Variants in CDH13 observed in about 807,000 individuals in gnomAD.
The protein encoded by CDH13 is cadherin 13.
CDH13 carries 24 observed loss-of-function variants against 63.8 expected under a neutral mutation model. That is an observed-to-expected ratio of 0.38 (90% CI 0.27 to 0.53). The LOEUF is 0.53. CDH13 is among the 20% of genes least tolerant of loss of function. The pLI is 0.85. For missense variants in CDH13, 1,049 were observed against 903.1 expected (o/e 1.16, Z -2.07); for synonymous variants, 503 against 355.3 (o/e 1.42, Z -4.67).
intron 4 of CDH13, among the ~76,000 whole-genome samples, chr16:83,146,565 A>G (rs1004024624): frequency 2.6e-5 from 4 of 152,200 alleles, no homozygotes; most frequent in Admixed American, 6.5e-5. Flanking sequence ...TGTTTGTTCT[A>G]TTTCAAGAAA....
intron 5 of CDH13, among the ~76,000 whole-genome samples, chr16:83,266,652 G>A (rs989711604): frequency 4.6e-5 from 7 of 152,128 alleles, no homozygotes; most frequent in African/African-American, 1.2e-4. Context: ...TAACTCTTAA[G>A]GCAAAGAAGT....
intron 5 of CDH13, among the ~76,000 whole-genome samples, chr16:83,237,959 A>G (rs1904277666): frequency 6.6e-6 from 1 of 152,228 alleles, no homozygotes; most frequent in Non-Finnish European, 1.5e-5. Context: ...CTCACGTCAC[A>G]TAGCCAGAAG....
intron 6 of CDH13, among the ~76,000 whole-genome samples, chr16:83,444,919 A>C (rs1249547486): frequency 4.0e-5 from 3 of 75,626 alleles, no homozygotes; most frequent in Non-Finnish European, 9.6e-5. Context: ...AATGGACCAA[A>C]ATGCCTCTGT....
intron 1 of CDH13, among the ~76,000 whole-genome samples, chr16:82,737,278 A>C (rs1017507866): frequency 6.6e-6 from 1 of 152,218 alleles, no homozygotes; most frequent in African/African-American, 2.4e-5. Context: ...CTGAGGGTCA[A>C]GATGGAGCCC....
chr16:83,110,252 G>C (rs78045524), intron 3 of CDH13, among the ~76,000 whole-genome samples: 4,222 of 152,292 alleles, frequency 0.028, 74 homozygotes, highest in South Asian at 0.042. Context: ...ATCAACTGCT[G>C]CTTCTTTAAA....
chr16:83,591,293 G>T (rs1398158797), intron 7 of CDH13, among the ~76,000 whole-genome samples: 1 of 152,168 alleles, frequency 6.6e-6, no homozygotes, highest in African/African-American at 2.4e-5. Flanking sequence ...CTATGTCAGG[G>T]CCCAGGTCTA....
At chr16:83,023,307 G>T (rs56412073) in intron 2 of CDH13, among the ~76,000 whole-genome samples, 1 of 151,602 alleles carries the variant, frequency 6.6e-6, no homozygotes, top group East Asian at 2.0e-4. Context: ...ACTACCCCCC[G>T]ACTCCACCCC....
intron 11 of CDH13, among the ~76,000 whole-genome samples, chr16:83,748,790 G>A (rs982602451): frequency 6.6e-6 from 1 of 152,210 alleles, no homozygotes; most frequent in African/African-American, 2.4e-5. Context: ...TTAGATGCTG[G>A]GGGCGCAGCA....
At chr16:83,475,418 C>T (rs964038045) in intron 6 of CDH13, among the ~76,000 whole-genome samples, 4 of 152,186 alleles carry the variant, frequency 2.6e-5, no homozygotes, top group Non-Finnish European at 5.9e-5. Flanking sequence ...GGGTCTGGAT[C>T]CCTAAGCTGC....
chr16:83,027,143 A>G lies in CDH13; in HGVS notation c.158-4867A>G, dbSNP rs530366496. On this transcript the variant is annotated intron_variant, in intron 2 of 13. Transcript: ENST00000567109. ...GCCCCGCCTCCAATCCTCTACCATT[A>G]CTAAATCATCATTTTGCTCTGGAGA... Among the ~76,000 whole-genome samples, 3 of 118,704 alleles carry G rather than the reference A, an allele frequency of 2.5e-5. No homozygotes were observed. In the East Asian group the frequency reaches 8.7e-4, roughly 34 times the overall value. The allele number at this position is 118,704 out of a possible 152,430, so 77.9% of individuals were successfully genotyped here. A position where few individuals can be genotyped will look rare whatever the true frequency, so the allele number is the denominator to read the frequency against.
rs529873089 is a variant in CDH13, at chr16:83,594,568, T to C, written c.961-7886T>C. On this transcript the variant is annotated intron_variant, in intron 7 of 13. Transcript: ENST00000567109. ...TGGAGCAAGAACTAGAGGTGAAACA[T>C]TCGATATGGAAAAAGTGGGGTACCA... Among the ~76,000 whole-genome samples, 3 of 152,236 alleles carry C rather than the reference T, an allele frequency of 2.0e-5. No homozygotes were observed. The South Asian group carries it at 6.2e-4, about 32-fold the overall frequency.
At chr16:82,628,026 T>C (rs1185704611) in intron 1 of CDH13, among the ~76,000 whole-genome samples, 1 of 152,214 alleles carries the variant, frequency 6.6e-6, no homozygotes, top group African/African-American at 2.4e-5. Context: ...GCGAGGGAGA[T>C]GCGGTCCGCC....
At chr16:83,505,850 T>C (rs1359080438) in intron 7 of CDH13, among the ~76,000 whole-genome samples, 2 of 152,202 alleles carry the variant, frequency 1.3e-5, no homozygotes, top group African/African-American at 4.8e-5. Context: ...GATTGTGAGC[T>C]GCAGATATGA....
chr16:83,214,875 T>C (rs1254620850), intron 4 of CDH13, among the ~76,000 whole-genome samples: 1 of 151,880 alleles, frequency 6.6e-6, no homozygotes, highest in Non-Finnish European at 1.5e-5. Context: ...GATTGCAACA[T>C]ATAGCTGTCT....
chr16:83,632,884 C>T (rs1166584726), intron 8 of CDH13, among the ~76,000 whole-genome samples: 5 of 151,274 alleles, frequency 3.3e-5, no homozygotes, highest in South Asian at 2.1e-4. Flanking sequence ...TTGGGTTTTC[C>T]GGGAAAGGGG....
intron 5 of CDH13, among the ~76,000 whole-genome samples, chr16:83,230,079 A>C (rs2039959874): frequency 6.6e-6 from 1 of 152,208 alleles, no homozygotes; most frequent in Non-Finnish European, 1.5e-5. Flanking sequence ...GGGTAGACCC[A>C]CAGCAGAGGT....
intron 1 of CDH13, among the ~76,000 whole-genome samples, chr16:82,649,555 T>C (rs1355167955): frequency 6.6e-6 from 1 of 152,022 alleles, no homozygotes; most frequent in Admixed American, 6.6e-5. Context: ...TTAAGCAGCA[T>C]GGGGGACTGA....
At chr16:82,726,657 C>T (rs1296436887) in intron 1 of CDH13, among the ~76,000 whole-genome samples, 1 of 152,206 alleles carries the variant, frequency 6.6e-6, no homozygotes, top group Admixed American at 6.5e-5. Flanking sequence ...CCTCAGTCTC[C>T]TCTTCTGCAA....
At chr16:83,443,263 G>A (rs2072536948) in intron 6 of CDH13, among the ~76,000 whole-genome samples, 1 of 152,146 alleles carries the variant, frequency 6.6e-6, no homozygotes, top group Non-Finnish European at 1.5e-5. Context: ...TTCACCCCTG[G>A]GGAGGCCACG....
Sources: allele counts gnomAD v4.1 joint callset (sites outside exome capture counted in the v4.1 genomes callset), GRCh38; gene constraint gnomAD v4.1.1; transcripts MANE v1.5; gene names NCBI Gene and HGNC (gene_info 2026-07-23, HGNC 2026-07-21).